The following INPPL1 variants were observed in gnomAD, a reference collection of about 807,000 sequenced individuals.
INPPL1 encodes inositol polyphosphate phosphatase like 1.
A neutral mutation model predicts 139.3 loss-of-function variants in INPPL1; 91 were observed. The observed-to-expected ratio is 0.65, with a 90% confidence interval of 0.55 to 0.78. The LOEUF is 0.78. Among genes scored for constraint, INPPL1 ranks in the 30% least tolerant of loss-of-function variants. INPPL1 has a pLI of 0.00. For synonymous variants in INPPL1, 719 were observed against 686.6 expected, an observed-to-expected ratio of 1.05 and a Z score of -0.74; for missense variants, 1,411 against 1,665.6, an observed-to-expected ratio of 0.85 and a Z score of 2.66.
Position 72,228,551 on chromosome 11 carries a change from G to T in INPPL1, c.397+53G>T, listed in dbSNP as rs17847221. The T allele has an allele frequency of 8.7e-3, 13,811 of 1,587,724 alleles. 211 individuals carry two copies. The highest frequency in any genetic ancestry group is 0.044 in the South Asian group (3,979 of 90,412). ...CTGCCCCTGTCCCTTGGCTCTACCTGCCTCTTCCCATCCCCCCTTCTCAAC... is the reference window on the plus strand; with the variant it reads ...CTGCCCCTGTCCCTTGGCTCTACCTTCCTCTTCCCATCCCCCCTTCTCAAC... On this transcript the variant is annotated intron_variant, in intron 3 of 27. Transcript: ENST00000298229. The surrounding 1 kb of genome is among the most constrained non-coding windows in gnomAD (Gnocchi z 5.0).
chr11:72,226,917 A>T (rs1049151724), intron 1 of INPPL1, among the ~76,000 whole-genome samples: 1 of 152,032 alleles, frequency 6.6e-6, no homozygotes, highest in Non-Finnish European at 1.5e-5. Flanking sequence ...CCTCATTGCC[A>T]AGGGAGGCTG....
chr11:72,235,135 A>G lies in INPPL1; in HGVS notation c.2435A>G (p.Asp812Gly). ...QLPTLKPILADIEYLQDQHLL... is the reference protein window; with the variant it reads ...QLPTLKPILAGIEYLQDQHLL... ...TCCCAGCTCAAACCAATTCTGGCTG[A>G]TATCGAGTACCTGCAGGACCAGCAC... Residue 812 changes from aspartate to glycine, a missense_variant, in exon 22 of 28, where the codon GAT becomes GGT. Transcript: ENST00000298229. This position sits in a 1 kb window ranked among gnomAD's most constrained non-coding sequence, Gnocchi z 4.9. The G allele has an allele frequency of 6.2e-7, 1 of 1,613,934 alleles. No individual in the cohort carries two copies. The highest frequency in any genetic ancestry group is 1.1e-5 in the South Asian group (1 of 91,070).
chr11:72,227,887 C>T (rs1302643615), intron 1 of INPPL1: 1 of 450,060 alleles, frequency 2.2e-6, no homozygotes, highest in South Asian at 2.2e-5. Flanking sequence ...GCTGTTTAGA[C>T]AGCTGTGGAG....
intron 1 of INPPL1, among the ~76,000 whole-genome samples, chr11:72,226,709 A>C (rs1243766292): frequency 6.6e-6 from 1 of 152,218 alleles, no homozygotes; most frequent in South Asian, 2.1e-4. Flanking sequence ...TCTGAGGCCC[A>C]GTAGGGGGAG....
intron 1 of INPPL1, among the ~76,000 whole-genome samples, chr11:72,226,150 C>A (rs1265929912): frequency 6.6e-6 from 1 of 150,684 alleles, no homozygotes; most frequent in African/African-American, 2.4e-5. Flanking sequence ...TTGGTCGGGG[C>A]GCACATTAGC....
rs1948628044 is a variant in INPPL1 at position 72,225,017 on chromosome 11, G to A, written c.33G>A (p.Gly11=). The change falls in exon 1 of 28, where the codon GGG becomes GGA. Residue 11 remains glycine, a synonymous_variant. Transcript: ENST00000298229. ...CGGCCTGCGGGGCGCCGGGCCCGGGGGGCGCCCTGGGCAGCCAGGCCCCCT... is the reference window on the plus strand; with the variant it reads ...CGGCCTGCGGGGCGCCGGGCCCGGGAGGCGCCCTGGGCAGCCAGGCCCCCT... MASACGAPGP[G]GALGSQAPSW... is the part of the protein sequence containing the mutation. 4 of 1,216,482 alleles carry A rather than the reference G, an allele frequency of 3.3e-6. No individual in the cohort carries two copies. Among genetic ancestry groups the A allele is most frequent in the Admixed American group, 4.3e-5 (1 of 23,036 alleles). 75.4% of individuals were successfully genotyped at this position (1,216,482 alleles called of 1,614,324 possible).
rs770375996 is a variant in INPPL1, at chr11:72,231,607, A to G, written c.1607A>G (p.Asn536Ser). The G allele has an allele frequency of 4.3e-6, 7 of 1,611,562 alleles. No individual in the cohort carries two copies. The highest frequency in any genetic ancestry group is 2.2e-5 in the East Asian group (1 of 44,864). The stretch of plus-strand genomic sequence containing the variant: ...TCCAGTGTGAAGACTGGCATCGCCA[A>G]CACCCTGGGTAAGTGGGGCTGGCAG... Reference protein sequence around the residue: ...STSSVKTGIANTLGNKGAVGV... With the variant: ...STSSVKTGIASTLGNKGAVGV... Residue 536 changes from asparagine (N) to serine (S), a missense_variant, in exon 13 of 28, where the codon AAC becomes AGC. This residue lies in a region of INPPL1 where 363 missense variants were observed against 446.2 expected (regional missense o/e 0.81). Transcript: ENST00000298229.
Position 72,237,688 on chromosome 11 carries a change from C to A in INPPL1, c.3444C>A (p.Gly1148=). The A allele has an allele frequency of 6.2e-7, 1 of 1,611,876 alleles. No homozygotes were observed. The highest frequency in any genetic ancestry group is 1.1e-5 in the South Asian group (1 of 90,888). ...AGPARSALLP[G]PLELQPPRGL... The stretch of plus-strand genomic sequence containing the variant: ...CTGCACGCTCAGCGCTCCTCCCAGG[C>A]CCCCTGGAGCTGCAGCCCCCCCGGG... Residue 1148 remains glycine (G), a synonymous_variant, in exon 26 of 28, where the codon GGC becomes GGA. Transcript: ENST00000298229.
intron 25 of INPPL1, 78 bp from the exon 26 acceptor site, chr11:72,237,046 A>T: frequency 7.5e-7 from 1 of 1,330,248 alleles, no homozygotes; most frequent in Non-Finnish European, 1.0e-6. Flanking sequence ...ACTCCCGTCT[A>T]GTTCTCCTTC....
At chr11:72,232,386 G>A in intron 14 of INPPL1, 50 bp downstream of exon 14, 1 of 1,491,874 alleles carries the variant, frequency 6.7e-7, no homozygotes, top group Non-Finnish European at 9.1e-7. Flanking sequence ...CCATTCACCT[G>A]AGGCCTGTTC....
chr11:72,232,153 C>T (rs959999592), intron 13 of INPPL1, 87 bp from the exon 14 acceptor site: 2 of 1,064,462 alleles, frequency 1.9e-6, no homozygotes, highest in East Asian at 5.2e-5. Flanking sequence ...CGGGAGGATC[C>T]TCTCACTGCA....
In INPPL1 at chr11:72,233,436, C is replaced by G; in HGVS notation, c.2041-5C>G. ...CTCTAACCATGCTGCCATCCCCTGCCCCAGGTCCGGACCAATGTGCCCTCA... is the reference window on the plus strand; with the variant it reads ...CTCTAACCATGCTGCCATCCCCTGCGCCAGGTCCGGACCAATGTGCCCTCA... On this transcript the variant is annotated splice_polypyrimidine_tract_variant and splice_region_variant and intron_variant, in intron 17 of 27. Transcript: ENST00000298229. 1 of 1,613,908 alleles carries G rather than the reference C, an allele frequency of 6.2e-7. No homozygotes were observed. The highest frequency in any genetic ancestry group is 8.5e-7 in the Non-Finnish European group (1 of 1,179,838).
At position 72,234,675 on chromosome 11, in the gene INPPL1, G is replaced by A; in HGVS notation, c.2415+60G>A. 4 of 1,220,144 alleles carry A rather than the reference G, an allele frequency of 3.3e-6. No individual in the cohort carries two copies. In the South Asian group the frequency reaches 4.9e-5, roughly 15 times the overall value. 75.6% of individuals were successfully genotyped at this position (1,220,144 alleles called of 1,614,324 possible). On this transcript the variant is annotated intron_variant, in intron 21 of 27. Transcript: ENST00000298229. This position sits in a 1 kb window ranked among gnomAD's most constrained non-coding sequence, Gnocchi z 4.2. ...AGGGCACAGAGAGGGGTACATAAGA[G>A]TTTATTGGAGAGCCTGCCTGGGAGG...
rs1439643027 is a variant in INPPL1 at position 72,238,849 on chromosome 11, T to G, written c.*496T>G. 6.5e-6 allele frequency: 1 copy of G among 152,738 alleles called. No homozygotes were observed. Among genetic ancestry groups the G allele is most frequent in the East Asian group, 1.9e-4 (1 of 5,178 alleles). The allele number at this position is 152,738 out of a possible 1,614,324, so 9.5% of individuals were successfully genotyped here. ...TGGGGTTTATTTAAACTGTTCTGTGTGGGTCTGGGGAGGGAGAGCACCTTA... is the reference window on the plus strand; with the variant it reads ...TGGGGTTTATTTAAACTGTTCTGTGGGGGTCTGGGGAGGGAGAGCACCTTA... On this transcript the variant is annotated 3_prime_UTR_variant, in exon 28 of 28. Transcript: ENST00000298229.
At position 72,233,204 on chromosome 11, in the gene INPPL1, C is replaced by T. The variant is rs372311519; in HGVS notation, c.2040+41C>T. On this transcript the variant is annotated intron_variant, in intron 17 of 27. Coordinates refer to ENST00000298229, the MANE Select transcript of INPPL1 (RefSeq NM_001567.4). ...GGCATGGGCCTTGGGGGACCGCAGG[C>T]CTGCGATGAATCAAGAATTTGGGTC... 57 of 1,562,258 alleles carry T rather than the reference C, an allele frequency of 3.6e-5. 1 individual carries two copies. In the African/African-American group the frequency reaches 6.4e-4, roughly 17 times the overall value.
Position 72,235,338 on chromosome 11 carries a change from C to T in INPPL1, c.2546C>T (p.Ala849Val), listed in dbSNP as rs1299556537. ...CTCAAATCCATGATCGGCAGCACGG[C>T]CCAACAGTTCCTGACCTTCCTATCC... ...VALKSMIGST[A>V]QQFLTFLSHR... Residue 849 changes from alanine to valine, a missense_variant, in exon 23 of 28, where the codon GCC (alanine) becomes GTC (valine). Transcript: ENST00000298229. This position sits in a 1 kb window ranked among gnomAD's most constrained non-coding sequence, Gnocchi z 4.9. The T allele has an allele frequency of 2.5e-6, 4 of 1,614,078 alleles. No individual in the cohort carries two copies. Among genetic ancestry groups the T allele is most frequent in the Non-Finnish European group, 3.4e-6 (4 of 1,179,998 alleles).
intron 1 of INPPL1, chr11:72,227,751 A>C (rs1371124266): frequency 4.5e-6 from 1 of 222,684 alleles, no homozygotes; most frequent in Non-Finnish European, 9.0e-6. Flanking sequence ...AGAGCCAGAG[A>C]GCAGCATAAA....
At chr11:72,236,016 C>T in intron 25 of INPPL1, 30 bp downstream of exon 25, 2 of 1,297,288 alleles carry the variant, frequency 1.5e-6, no homozygotes, top group Non-Finnish European at 2.2e-6. Flanking sequence ...ACCGCCCCCC[C>T]TTCCCCCACC....
chr11:72,236,323 C>T (rs1405896829), intron 25 of INPPL1, among the ~76,000 whole-genome samples: 1 of 152,238 alleles, frequency 6.6e-6, no homozygotes, highest in Admixed American at 6.5e-5. Flanking sequence ...TCCCAGGGTA[C>T]CTTCTTTGGA....
Sources: allele counts gnomAD v4.1 joint callset (sites outside exome capture counted in the v4.1 genomes callset), GRCh38; gene constraint gnomAD v4.1.1; regional missense constraint gnomAD v4.1.1; non-coding constraint Gnocchi (gnomAD v3.1); transcripts MANE v1.5; gene names NCBI Gene and HGNC (gene_info 2026-07-23, HGNC 2026-07-21).